Variants in ASTN2 observed in about 807,000 individuals in gnomAD.
The protein encoded by ASTN2 is astrotactin 2.
Under a neutral mutation model 139.8 loss-of-function variants are expected in ASTN2, and 54 were observed. The ratio of observed to expected loss-of-function variants is 0.39; its 90% CI spans 0.31 to 0.48. The LOEUF (loss-of-function observed/expected upper bound fraction) is 0.48, where lower values mean the gene tolerates loss of function less well. Among genes scored for constraint, ASTN2 ranks in the 20% least tolerant of loss-of-function variants. The probability of loss-of-function intolerance (pLI) is 0.95; values close to 1 mark genes in which losing one functional copy is unlikely to be tolerated. For missense variants in ASTN2, 1,565 were observed against 1,725.1 expected (o/e 0.91, Z 1.64); for synonymous variants, 756 against 719.5 (o/e 1.05, Z -0.81).
At chr9:116,978,025 T>C (rs72755700) in intron 7 of ASTN2, among the ~76,000 whole-genome samples, 1 of 152,074 alleles carries the variant, frequency 6.6e-6, no homozygotes, top group Non-Finnish European at 1.5e-5. Context: ...CCTAGAAATA[T>C]TTTTTGATTT....
intron 6 of ASTN2, among the ~76,000 whole-genome samples, chr9:117,017,673 C>T (rs1002529380): frequency 1.3e-5 from 2 of 152,134 alleles, no homozygotes; most frequent in Admixed American, 6.5e-5. Flanking sequence ...AAGTTCCTGG[C>T]TAAGGCCTTC....
intron 13 of ASTN2, among the ~76,000 whole-genome samples, chr9:116,737,495 G>A (rs1020917110): frequency 4.3e-5 from 6 of 139,524 alleles, no homozygotes; most frequent in Non-Finnish European, 9.3e-5. Context: ...GTGTGTGTGT[G>A]TAGTAAAAAC....
chr9:117,084,544 T>A (rs1318387343), intron 5 of ASTN2, among the ~76,000 whole-genome samples: 1 of 152,262 alleles, frequency 6.6e-6, no homozygotes, highest in African/African-American at 2.4e-5. Flanking sequence ...TCTGTTTAGT[T>A]TCAGTTTTGT....
At chr9:116,562,733 T>TAA (rs35878476) in intron 19 of ASTN2, among the ~76,000 whole-genome samples, 1,400 of 64,430 alleles carry the variant, frequency 0.022, 37 homozygotes, top group African/African-American at 0.085. Context: ...ACTGCCTCAT[T>TAA]AAAAAAAAAA....
rs1325667604 is a variant in ASTN2 at position 116,424,210 on chromosome 9, G to A, written c.*1641C>T. On this transcript the variant is annotated 3_prime_UTR_variant, in exon 23 of 23. Transcript: ENST00000313400. ...GATATTTCAATGATACCTCAATAAA[G>A]CTGTTTTAAAAATAGATAAATAAAG... 6.6e-6 allele frequency among the ~76,000 whole-genome samples: 1 copy of A among 152,110 alleles called. No individual in the cohort carries two copies. Among genetic ancestry groups the A allele is most frequent in the African/African-American group, 2.4e-5 (1 of 41,414 alleles).
At chr9:117,159,505 A>G (rs1830501667) in intron 3 of ASTN2, among the ~76,000 whole-genome samples, 1 of 152,042 alleles carries the variant, frequency 6.6e-6, no homozygotes, top group Non-Finnish European at 1.5e-5. Context: ...GCTTGATTAG[A>G]TATTTCTAGA....
chr9:117,024,983 T>C (rs1319140276), intron 6 of ASTN2, among the ~76,000 whole-genome samples: 1 of 152,136 alleles, frequency 6.6e-6, no homozygotes, highest in African/African-American at 2.4e-5. Context: ...CCATGTAAGA[T>C]GTGACTTGCT....
At chr9:117,087,055 A>G (rs542651805) in intron 5 of ASTN2, among the ~76,000 whole-genome samples, 49 of 152,348 alleles carry the variant, frequency 3.2e-4, no homozygotes, top group African/African-American at 1.2e-3. Context: ...AAGGGCAGCC[A>G]GTAGATCTGC....
intron 11 of ASTN2, among the ~76,000 whole-genome samples, chr9:116,861,589 C>T (rs538015203): frequency 1.1e-4 from 17 of 152,246 alleles, no homozygotes; most frequent in African/African-American, 3.6e-4. Flanking sequence ...GTTGCCAGCA[C>T]CCCAGTTTTT....
At chr9:116,534,858 T>C (rs1479802871) in intron 19 of ASTN2, among the ~76,000 whole-genome samples, 7 of 152,130 alleles carry the variant, frequency 4.6e-5, no homozygotes, top group Non-Finnish European at 1.0e-4. Context: ...GTGGAGAGTT[T>C]TGTAGATGTC....
chr9:116,473,614 A>G (rs1848886436), intron 20 of ASTN2, among the ~76,000 whole-genome samples: 1 of 152,148 alleles, frequency 6.6e-6, no homozygotes, highest in African/African-American at 2.4e-5. Context: ...AGACCTATTC[A>G]AGGCCAGGTG....
At chr9:116,616,733 G>T (rs1284105853) in intron 19 of ASTN2, among the ~76,000 whole-genome samples, 1 of 151,786 alleles carries the variant, frequency 6.6e-6, no homozygotes, top group Non-Finnish European at 1.5e-5. Context: ...GGTTATCTGT[G>T]GTTTACAAAC....
chr9:117,274,011 TC>T (rs906119283), intron 2 of ASTN2, among the ~76,000 whole-genome samples: 16 of 152,136 alleles, frequency 1.1e-4, no homozygotes, highest in African/African-American at 3.4e-4. Flanking sequence ...AATTGTTATC[TC>T]CCATGGTTAT....
chr9:117,107,587 G>A lies in ASTN2; in HGVS notation c.1169-11436C>T, dbSNP rs140127079. On this transcript the variant is annotated intron_variant, in intron 4 of 22. Coordinates refer to ENST00000313400, the MANE Select transcript of ASTN2 (RefSeq NM_001365068.1). ...TTCAATTTTCTCACATTCTTTTTGC[G>A]TTTTGATGTCCAGAATTGGGCATGC... is the stretch of plus-strand genomic sequence containing the variant. Among the ~76,000 whole-genome samples the A allele has an allele frequency of 3.4e-4, 52 of 152,050 alleles. No individual in the cohort carries two copies. In the Middle Eastern group the frequency reaches 0.01, roughly 30 times the overall value.
chr9:116,439,346 G>C (rs186619643), intron 22 of ASTN2, among the ~76,000 whole-genome samples: 1 of 141,988 alleles, frequency 7.0e-6, no homozygotes, highest in African/African-American at 2.7e-5. Flanking sequence ...GACTACAGGC[G>C]CCCGCCACTA....
At chr9:116,503,668 T>C (rs1180744470) in intron 19 of ASTN2, among the ~76,000 whole-genome samples, 3 of 152,146 alleles carry the variant, frequency 2.0e-5, no homozygotes, top group Non-Finnish European at 4.4e-5. Context: ...ATACTATATA[T>C]ACACACATGC....
chr9:117,154,923 A>T (rs975416836), intron 3 of ASTN2, among the ~76,000 whole-genome samples: 1 of 152,022 alleles, frequency 6.6e-6, no homozygotes, highest in African/African-American at 2.4e-5. Flanking sequence ...AGGCACCATT[A>T]CCTCATATGC....
At chr9:116,900,612 A>T (rs892862157) in intron 10 of ASTN2, among the ~76,000 whole-genome samples, 13 of 152,218 alleles carry the variant, frequency 8.5e-5, no homozygotes, top group African/African-American at 3.1e-4. Context: ...GTAAGAAGTC[A>T]GACCGATTCT....
chr9:116,940,220 T>C (rs1473110803), intron 10 of ASTN2, among the ~76,000 whole-genome samples: 1 of 152,204 alleles, frequency 6.6e-6, no homozygotes, highest in African/African-American at 2.4e-5. Context: ...ACACAGGGAA[T>C]ACAGTTATCA....
Sources: allele counts gnomAD v4.1 joint callset (sites outside exome capture counted in the v4.1 genomes callset), GRCh38; gene constraint gnomAD v4.1.1; transcripts MANE v1.5; gene names NCBI Gene and HGNC (gene_info 2026-07-23, HGNC 2026-07-21).